IQSEC1: variants seen among roughly 807,000 people sequenced by gnomAD.
IQSEC1 encodes IQ motif and Sec7 domain ArfGEF 1, also known as IQ motif and SEC7 domain-containing protein 1.
IQSEC1 carries 31 observed loss-of-function variants against 91.0 expected under a neutral mutation model. That is an observed-to-expected ratio of 0.34 (90% CI 0.26 to 0.46). IQSEC1 has a LOEUF of 0.46. Among genes scored for constraint, IQSEC1 ranks in the 20% least tolerant of loss-of-function variants. The probability of loss-of-function intolerance (pLI) is 1.00; values close to 1 mark genes in which losing one functional copy is unlikely to be tolerated. For missense variants in IQSEC1, 1,388 were observed against 1,575.6 expected, an observed-to-expected ratio of 0.88 and a Z score of 2.02; for synonymous variants, 699 against 662.6, an observed-to-expected ratio of 1.05 and a Z score of -0.84.
chr3:12,903,311 A>G (rs1224497865), intron 12 of IQSEC1, among the ~76,000 whole-genome samples: 1 of 151,644 alleles, frequency 6.6e-6, no homozygotes, highest in East Asian at 2.0e-4. Flanking sequence ...ATATGCCCCC[A>G]CCTCCTTGGC....
intron 1 of IQSEC1, among the ~76,000 whole-genome samples, chr3:13,038,270 A>G (rs1044737482): frequency 0.013 from 760 of 59,202 alleles, 5 homozygotes; most frequent in South Asian, 0.092. Flanking sequence ...GTGTATATAT[A>G]TATATATATA....
intron 1 of IQSEC1, among the ~76,000 whole-genome samples, chr3:13,200,374 C>T (rs1444115359): frequency 2.6e-5 from 4 of 152,196 alleles, no homozygotes; most frequent in African/African-American, 4.8e-5. Context: ...AATTCTCCAC[C>T]GTGTCCCCTC....
At chr3:12,975,891 A>C (rs1701143402) in intron 1 of IQSEC1, among the ~76,000 whole-genome samples, 1 of 152,218 alleles carries the variant, frequency 6.6e-6, no homozygotes, top group Non-Finnish European at 1.5e-5. Context: ...CTCTGCGGGA[A>C]GAAAGTCTCT....
chr3:13,081,947 G>A (rs770903146), intron 2 of IQSEC1, among the ~76,000 whole-genome samples: 3 of 152,246 alleles, frequency 2.0e-5, no homozygotes, highest in Non-Finnish European at 4.4e-5. Flanking sequence ...CGACAAAGGC[G>A]ACCAAAGACT....
chr3:13,160,146 C>G (rs1480422122), intron 2 of IQSEC1, among the ~76,000 whole-genome samples: 2 of 152,168 alleles, frequency 1.3e-5, no homozygotes, highest in Admixed American at 1.3e-4. Flanking sequence ...CGTGAATTCA[C>G]AAACAGGCTT....
At chr3:12,906,352 C>A (rs1694983458) in intron 12 of IQSEC1, among the ~76,000 whole-genome samples, 1 of 152,180 alleles carries the variant, frequency 6.6e-6, no homozygotes, top group Admixed American at 6.5e-5. Flanking sequence ...CCCATCTGGT[C>A]CAGAGCACAT....
At position 12,900,619 on chromosome 3, in the gene IQSEC1, T is replaced by C. The variant is rs895894692; in HGVS notation, c.*364A>G. 8 of 1,074,792 alleles carry C rather than the reference T, an allele frequency of 7.4e-6. No individual in the cohort carries two copies. The highest frequency in any genetic ancestry group is 1.7e-5 in the African/African-American group (1 of 60,254). 66.6% of individuals were successfully genotyped at this position (1,074,792 alleles called of 1,614,324 possible). A position where few individuals can be genotyped will look rare whatever the true frequency, so the allele number is the denominator to read the frequency against. On this transcript the variant is annotated 3_prime_UTR_variant, in exon 14 of 14. Transcript: ENST00000613206. ...TCTGTTTTTGTATCTCATTTCTTCG[T>C]TTTCTAGGTTGGGTTTTCATATGCA...
At chr3:13,167,373 C>G (rs1693516953) in intron 1 of IQSEC1, among the ~76,000 whole-genome samples, 1 of 152,188 alleles carries the variant, frequency 6.6e-6, no homozygotes, top group Non-Finnish European at 1.5e-5. Flanking sequence ...CTATATCCAC[C>G]ACTGTGGGAA....
At chr3:13,097,425 T>C (rs1477125213) in intron 2 of IQSEC1, among the ~76,000 whole-genome samples, 1 of 152,158 alleles carries the variant, frequency 6.6e-6, no homozygotes, top group East Asian at 1.9e-4. Context: ...CTGTCCACCA[T>C]AAGCCCTGCA....
intron 1 of IQSEC1, among the ~76,000 whole-genome samples, chr3:12,946,540 C>T (rs1167343086): frequency 6.6e-6 from 1 of 152,192 alleles, no homozygotes; most frequent in African/African-American, 2.4e-5. Flanking sequence ...ATGTCCACAG[C>T]AGTGTTGTTT....
rs375594309 is a variant in IQSEC1 at position 12,941,816 on chromosome 3, G to C, written c.73C>G (p.Pro25Ala). The C allele has an allele frequency of 7.5e-6, 12 of 1,609,472 alleles. No homozygotes were observed. The African/African-American group carries it at 1.5e-4, about 20-fold the overall frequency. Residue 25 changes from proline (P) to alanine (A), a missense_variant, in exon 2 of 14, where the codon CCC becomes GCC. Transcript: ENST00000613206. ...SSETGTSLDS[P>A]SAYPQGPLVP... The stretch of plus-strand genomic sequence containing the variant: ...AAGGGGCCCTGGGGGTAGGCTGAGG[G>C]GCTGTCCAGGGATGTGCCAGTCTCA...
intron 1 of IQSEC1, among the ~76,000 whole-genome samples, chr3:13,254,221 A>C (rs1004531151): frequency 3.9e-5 from 6 of 152,204 alleles, no homozygotes; most frequent in African/African-American, 1.4e-4. Flanking sequence ...CCTTGGTTTG[A>C]TTGCAGACTC....
chr3:13,139,491 A>G (rs1178297764), intron 2 of IQSEC1, among the ~76,000 whole-genome samples: 1 of 152,230 alleles, frequency 6.6e-6, no homozygotes, highest in South Asian at 2.1e-4. Context: ...CTGAGGGGCC[A>G]CAGTCCCTAA....
chr3:12,935,437 A>G lies in IQSEC1; in HGVS notation c.1568+11T>C. ...AGCTGCCCACCCTGAGGGGTCACCC[A>G]TGGTACTCACTTGTTGAAGAGGTTC... On this transcript the variant is annotated intron_variant, in intron 3 of 13. Coordinates refer to ENST00000613206, the MANE Select transcript of IQSEC1 (RefSeq NM_001134382.3). This position sits in a 1 kb window ranked among gnomAD's most constrained non-coding sequence, Gnocchi z 8.0. 6.2e-7 allele frequency: 1 copy of G among 1,600,926 alleles called. No individual in the cohort carries two copies.
In IQSEC1 at chr3:13,277,877, C is replaced by T. The variant is rs145664962; in HGVS notation, c.272+4834G>A. 1.3e-3 allele frequency among the ~76,000 whole-genome samples: 205 copies of T among 152,278 alleles called. No individual in the cohort carries two copies. In the East Asian group the frequency reaches 0.025, roughly 19 times the overall value. ...TCCAACCTAAGTGCCCTCAGCCCCCCGCCCCTGGCCCAGCATTGGTGCTTC... is the reference window on the plus strand; with the variant it reads ...TCCAACCTAAGTGCCCTCAGCCCCCTGCCCCTGGCCCAGCATTGGTGCTTC... On this transcript the variant is annotated intron_variant, in intron 1 of 15. Transcript: ENST00000648114.
At chr3:13,186,273 G>A (rs1348784944) in intron 1 of IQSEC1, among the ~76,000 whole-genome samples, 1 of 152,224 alleles carries the variant, frequency 6.6e-6, no homozygotes. Flanking sequence ...GCCTCTGGGT[G>A]GAAGCTCTGT....
chr3:13,073,087 C>G lies in IQSEC1; in HGVS notation c.-73G>C. 6.5e-7 allele frequency: 1 copy of G among 1,528,836 alleles called. No individual in the cohort carries two copies. The allele number at this position is 1,528,836 out of a possible 1,614,324, so 94.7% of individuals were successfully genotyped here. ...AGGCTCAACGTGTTTCCAAGAGGAG[C>G]AGGCGGCTCAGGCAAGAAGTGGAGG... On this transcript the variant is annotated 5_prime_UTR_variant, in exon 1 of 14. Coordinates refer to ENST00000613206, the MANE Select transcript of IQSEC1 (RefSeq NM_001134382.3).
rs367591945 is a variant in IQSEC1 at position 12,941,670 on chromosome 3, C to G, written c.219G>C (p.Ser73=). Residue 73 remains serine, a synonymous_variant, in exon 2 of 14, where the codon TCG becomes TCC. Coordinates refer to ENST00000613206, the MANE Select transcript of IQSEC1 (RefSeq NM_001134382.3). ...QRTRRPKLQH[S]TSILRKQAEE... ...CAGCCTGCTTGCGCAGGATGGAGGT[C>G]GAGTGCTGCAGCTTGGGCCTCCGCG... is the stretch of plus-strand genomic sequence containing the variant. 5 of 1,612,992 alleles carry G rather than the reference C, an allele frequency of 3.1e-6. No individual in the cohort carries two copies. The highest frequency in any genetic ancestry group is 1.7e-5 in the Admixed American group (1 of 59,990).
chr3:13,094,228 A>T (rs1414378729), intron 2 of IQSEC1, among the ~76,000 whole-genome samples: 1 of 152,176 alleles, frequency 6.6e-6, no homozygotes, highest in East Asian at 1.9e-4. Context: ...GATGGAAGGC[A>T]CTTGTGGCAG....
Sources: gnomAD v4.1 joint callset for allele counts (sites outside exome capture counted in the v4.1 genomes callset) on GRCh38, gnomAD v4.1.1 for gene constraint, Gnocchi (gnomAD v3.1) non-coding constraint, MANE v1.5 for transcripts, NCBI Gene and HGNC (gene_info 2026-07-23, HGNC 2026-07-21) for gene names.